The following ANKS1B variants were observed in gnomAD, a reference collection of about 807,000 sequenced individuals.
The protein encoded by ANKS1B is ankyrin repeat and sterile alpha motif domain-containing protein 1B.
ANKS1B carries 36 observed loss-of-function variants against 148.3 expected under a neutral mutation model. That is an observed-to-expected ratio of 0.24 (90% CI 0.19 to 0.32). The LOEUF (loss-of-function observed/expected upper bound fraction) is 0.32. ANKS1B is among the 10% of genes least tolerant of loss of function. The pLI, the probability that ANKS1B is intolerant of heterozygous loss-of-function variation, is 1.00. For synonymous variants in ANKS1B, 542 were observed against 560.8 expected, an observed-to-expected ratio of 0.97 and a Z score of 0.47; for missense variants, 1,157 against 1,542.6, an observed-to-expected ratio of 0.75 and a Z score of 4.19.
chr12:99,276,089 T>A (rs1277724616), intron 12 of ANKS1B, among the ~76,000 whole-genome samples: 2 of 152,226 alleles, frequency 1.3e-5, no homozygotes, highest in Admixed American at 6.5e-5. Flanking sequence ...ATACTCCCTA[T>A]GCCAGAATAA....
chr12:98,873,037 G>GA (rs1392595957), intron 17 of ANKS1B, among the ~76,000 whole-genome samples: 1 of 152,174 alleles, frequency 6.6e-6, no homozygotes, highest in Non-Finnish European at 1.5e-5. Flanking sequence ...ACTTTCCTAT[G>GA]AAATGCTGTT....
chr12:99,488,080 T>C (rs528822685), intron 10 of ANKS1B, among the ~76,000 whole-genome samples: 2 of 152,328 alleles, frequency 1.3e-5, no homozygotes, highest in East Asian at 3.9e-4. Context: ...TTTAATATTA[T>C]AAAGTATTCC....
intron 9 of ANKS1B, among the ~76,000 whole-genome samples, chr12:99,550,758 CACTA>C (rs150337399): frequency 0.014 from 2,114 of 152,218 alleles, 49 homozygotes; most frequent in African/African-American, 0.048. Context: ...TACCCACAAT[CACTA>C]ACTAACCCCA....
intron 22 of ANKS1B, among the ~76,000 whole-genome samples, chr12:98,787,534 T>C (rs1344082017): frequency 1.3e-5 from 2 of 152,152 alleles, no homozygotes; most frequent in Non-Finnish European, 2.9e-5. Flanking sequence ...AGCAGTTTCA[T>C]AGGATTCGAT....
intron 8 of ANKS1B, among the ~76,000 whole-genome samples, chr12:99,731,436 G>C (rs1174001089): frequency 4.7e-5 from 7 of 150,518 alleles, no homozygotes; most frequent in South Asian, 4.2e-4. Flanking sequence ...GTGTGTGTGT[G>C]TGTGTGTGTG....
Position 99,573,908 on chromosome 12 carries a change from T to A in ANKS1B, c.1273-69267A>T, listed in dbSNP as rs186616088. On this transcript the variant is annotated intron_variant, in intron 9 of 26. Coordinates refer to ENST00000683438, the MANE Select transcript of ANKS1B (RefSeq NM_001352186.2). ...AGGACTTCGCTACTCAAAAAAAAAA[T>A]TTTTTTTAATTTCTCTTTTTTATCA... Among the ~76,000 whole-genome samples the A allele has an allele frequency of 4.6e-3, 685 of 147,668 alleles. 8 individuals carry two copies. The highest frequency in any genetic ancestry group is 0.017 in the African/African-American group (627 of 37,520).
At chr12:99,450,241 T>C (rs942706647) in intron 10 of ANKS1B, among the ~76,000 whole-genome samples, 6 of 152,138 alleles carry the variant, frequency 3.9e-5, no homozygotes, top group Non-Finnish European at 5.9e-5. Context: ...TTTGTTCAAT[T>C]CAGGTCCGCA....
chr12:99,064,779 T>C (rs1159510356), intron 16 of ANKS1B, among the ~76,000 whole-genome samples: 3 of 152,184 alleles, frequency 2.0e-5, no homozygotes, highest in Admixed American at 6.5e-5. Flanking sequence ...ACAGTAGACA[T>C]ATAACATGGT....
At chr12:99,406,771 A>T (rs1210226730) in intron 11 of ANKS1B, among the ~76,000 whole-genome samples, 1 of 145,894 alleles carries the variant, frequency 6.9e-6, no homozygotes, top group African/African-American at 2.6e-5. Context: ...ACCTTTAGCC[A>T]GATTAAGAAA....
chr12:99,809,626 T>C (rs2068080634), intron 3 of ANKS1B, among the ~76,000 whole-genome samples: 1 of 152,080 alleles, frequency 6.6e-6, no homozygotes, highest in Non-Finnish European at 1.5e-5. Context: ...ACCTATCTTA[T>C]CTGTATAATG....
intron 15 of ANKS1B, among the ~76,000 whole-genome samples, chr12:99,103,685 A>G (rs2058514554): frequency 1.3e-5 from 2 of 152,100 alleles, no homozygotes; most frequent in Admixed American, 6.5e-5. Flanking sequence ...TTTTTATATC[A>G]TTCCTCTATG....
At chr12:99,246,914 A>G in intron 12 of ANKS1B, 50 bp from the exon 13 acceptor site, 1 of 1,383,222 alleles carries the variant, frequency 7.2e-7, no homozygotes, top group South Asian at 1.4e-5. Context: ...TCTGAAAGCC[A>G]CGATATAATA....
intron 1 of ANKS1B, among the ~76,000 whole-genome samples, chr12:99,839,406 T>C (rs2085349450): frequency 6.6e-6 from 1 of 152,076 alleles, no homozygotes; most frequent in South Asian, 2.1e-4. Context: ...TAGACCTGAG[T>C]TTCCCCATAG....
chr12:99,480,813 A>T (rs1054670440), intron 10 of ANKS1B, among the ~76,000 whole-genome samples: 2 of 151,858 alleles, frequency 1.3e-5, no homozygotes, highest in African/African-American at 4.8e-5. Flanking sequence ...CAAATTTTCT[A>T]GCAAAATTTT....
At position 98,801,876 on chromosome 12, in the gene ANKS1B, G is replaced by A. The variant is rs1356740479; in HGVS notation, c.3142-751C>T. Among the ~76,000 whole-genome samples the A allele has an allele frequency of 1.3e-5, 2 of 152,144 alleles. No homozygotes were observed. The highest frequency in any genetic ancestry group is 6.5e-5 in the Admixed American group (1 of 15,274). On this transcript the variant is annotated intron_variant, in intron 20 of 26. Coordinates refer to ENST00000683438, the MANE Select transcript of ANKS1B (RefSeq NM_001352186.2). The surrounding 1 kb of genome is among the most constrained non-coding windows in gnomAD (Gnocchi z 5.2). ...ATATGATACAGACCTAAAACAGGAGGACCTCCCATCATTTCATTTATCATT... is the reference window on the plus strand; with the variant it reads ...ATATGATACAGACCTAAAACAGGAGAACCTCCCATCATTTCATTTATCATT...
At chr12:99,770,956 C>T (rs766369588) in intron 8 of ANKS1B, among the ~76,000 whole-genome samples, 5 of 152,090 alleles carry the variant, frequency 3.3e-5, no homozygotes, top group Non-Finnish European at 7.4e-5. Flanking sequence ...AAAACCTTAA[C>T]GCTCAATTTA....
rs1369443637 is a variant in ANKS1B, at chr12:98,801,758, A to G, written c.3142-633T>C. 2.0e-5 allele frequency among the ~76,000 whole-genome samples: 3 copies of G among 152,370 alleles called. No homozygotes were observed. The highest frequency in any genetic ancestry group is 4.8e-5 in the African/African-American group (2 of 41,594). ...CCTAACGTACCAATGAAGACTAAAC[A>G]GTGAAATGCCAAGTTTGGTCACATG... On this transcript the variant is annotated intron_variant, in intron 20 of 26. Transcript: ENST00000683438. The surrounding 1 kb of genome is among the most constrained non-coding windows in gnomAD (Gnocchi z 5.2).
chr12:99,541,402 G>T (rs1263585918), intron 9 of ANKS1B, among the ~76,000 whole-genome samples: 1 of 152,092 alleles, frequency 6.6e-6, no homozygotes, highest in African/African-American at 2.4e-5. Flanking sequence ...CAAACTAAAT[G>T]CAACAACATA....
rs555560169 is a variant in ANKS1B at position 99,666,655 on chromosome 12, G to A, written c.1129-11445C>T. 1.6e-4 allele frequency among the ~76,000 whole-genome samples: 24 copies of A among 152,142 alleles called. No individual in the cohort carries two copies. In the South Asian group the frequency reaches 4.8e-3, roughly 30 times the overall value. On this transcript the variant is annotated intron_variant, in intron 8 of 26. Transcript: ENST00000683438. ...GTTAAATATGAAGGGGTAAACACAC[G>A]TTTCGTGTTTCTGGAAAATCTTTCA... is the stretch of plus-strand genomic sequence containing the variant.
Sources: gnomAD v4.1 joint callset for allele counts (sites outside exome capture counted in the v4.1 genomes callset) on GRCh38, gnomAD v4.1.1 for gene constraint, Gnocchi (gnomAD v3.1) non-coding constraint, MANE v1.5 for transcripts, NCBI Gene and HGNC (gene_info 2026-07-23, HGNC 2026-07-21) for gene names.